RBFOX3: variants seen among roughly 807,000 people sequenced by gnomAD.
The protein encoded by RBFOX3 is RNA binding protein fox-1 homolog 3.
In RBFOX3, 17 loss-of-function variants were observed where a neutral mutation model predicts 48.7. The ratio of observed to expected loss-of-function variants is 0.35; its 90% CI spans 0.24 to 0.52. The LOEUF (loss-of-function observed/expected upper bound fraction) is 0.52, where lower values mean the gene tolerates loss of function less well. Among genes scored for constraint, RBFOX3 ranks in the 20% least tolerant of loss-of-function variants. The probability of loss-of-function intolerance (pLI) is 0.94; values close to 1 mark genes in which losing one functional copy is unlikely to be tolerated. For missense variants in RBFOX3, 382 were observed against 497.5 expected (o/e 0.77, Z 2.21); for synonymous variants, 212 against 209.5 (o/e 1.01, Z -0.10).
chr17:79,294,211 C>T (rs546313033), intron 3 of RBFOX3, among the ~76,000 whole-genome samples: 45 of 152,232 alleles, frequency 3.0e-4, no homozygotes, highest in Non-Finnish European at 5.7e-4. Context: ...GATCCCTCAG[C>T]AGAATCCTGG....
At chr17:79,375,356 A>AAGACACACAC (rs1294273125) in intron 2 of RBFOX3, among the ~76,000 whole-genome samples, 11 of 73,114 alleles carry the variant, frequency 1.5e-4, no homozygotes, top group Non-Finnish European at 1.4e-4. Context: ...AGGAAGACAG[A>AAGACACACAC]AGACACACAC....
At chr17:79,517,672 T>C (rs1454220529) in intron 1 of RBFOX3, among the ~76,000 whole-genome samples, 1 of 151,816 alleles carries the variant, frequency 6.6e-6, no homozygotes, top group Non-Finnish European at 1.5e-5. Context: ...AGCCCACCAC[T>C]GGCCTCTCAC....
intron 3 of RBFOX3, among the ~76,000 whole-genome samples, chr17:79,259,763 T>C (rs1177405948): frequency 1.3e-5 from 2 of 151,964 alleles, no homozygotes. Context: ...GGTGTCTAGG[T>C]GCCCCCGCAT....
At chr17:79,324,214 G>T (rs913177160) in intron 2 of RBFOX3, among the ~76,000 whole-genome samples, 1 of 152,174 alleles carries the variant, frequency 6.6e-6, no homozygotes, top group African/African-American at 2.4e-5. Flanking sequence ...GCAAGCATCT[G>T]GGAAGGAACT....
At chr17:79,162,768 G>A (rs117979550) in intron 4 of RBFOX3, among the ~76,000 whole-genome samples, 2,492 of 152,270 alleles carry the variant, frequency 0.016, 27 homozygotes, top group Non-Finnish European at 0.027. Flanking sequence ...GGGGTCTCCC[G>A]CGGCAGGTGA....
At chr17:79,571,410 C>T (rs2092673433) in intron 1 of RBFOX3, among the ~76,000 whole-genome samples, 1 of 152,150 alleles carries the variant, frequency 6.6e-6, no homozygotes, top group South Asian at 2.1e-4. Flanking sequence ...CTGCCTATGC[C>T]TGCGGGTGCC....
chr17:79,501,657 C>G (rs2082405280), intron 1 of RBFOX3, among the ~76,000 whole-genome samples: 1 of 152,184 alleles, frequency 6.6e-6, no homozygotes, highest in South Asian at 2.1e-4. Flanking sequence ...CATAATGTGC[C>G]CTTCTCCTTA....
At chr17:79,156,391 C>T (rs1174812324) in intron 4 of RBFOX3, among the ~76,000 whole-genome samples, 1 of 152,114 alleles carries the variant, frequency 6.6e-6, no homozygotes, top group South Asian at 2.1e-4. Flanking sequence ...GGGAGGGTCC[C>T]CATTCCCAGG....
intron 2 of RBFOX3, among the ~76,000 whole-genome samples, chr17:79,335,620 A>C (rs954761707): frequency 6.6e-6 from 1 of 152,132 alleles, no homozygotes; most frequent in Non-Finnish European, 1.5e-5. Flanking sequence ...CAGAACCCCC[A>C]GCCTCCGCCA....
At chr17:79,330,020 A>C (rs1426623144) in intron 2 of RBFOX3, among the ~76,000 whole-genome samples, 1 of 152,176 alleles carries the variant, frequency 6.6e-6, no homozygotes, top group Non-Finnish European at 1.5e-5. Context: ...CCAGGCCTGC[A>C]TCTCTCAGCT....
At chr17:79,129,887 G>T (rs922238733) in intron 4 of RBFOX3, among the ~76,000 whole-genome samples, 1 of 152,190 alleles carries the variant, frequency 6.6e-6, no homozygotes. Flanking sequence ...GGGCGGACCT[G>T]CCCCAGTCGG....
intron 5 of RBFOX3, among the ~76,000 whole-genome samples, chr17:79,113,379 G>A (rs1410815948): frequency 3.9e-5 from 6 of 152,140 alleles, no homozygotes; most frequent in East Asian, 1.9e-4. Context: ...CGCCGATGCC[G>A]TAACTTCTGC....
At chr17:79,121,632 G>C (rs987671577) in intron 4 of RBFOX3, among the ~76,000 whole-genome samples, 1 of 152,138 alleles carries the variant, frequency 6.6e-6, no homozygotes, top group Non-Finnish European at 1.5e-5. Context: ...AGCAGCATTA[G>C]CCATAGTTGG....
chr17:79,372,696 G>C (rs1247372470), intron 2 of RBFOX3, among the ~76,000 whole-genome samples: 2 of 152,094 alleles, frequency 1.3e-5, no homozygotes, highest in African/African-American at 4.8e-5. Context: ...GGACAGACGT[G>C]TGAGACACAC....
intron 2 of RBFOX3, among the ~76,000 whole-genome samples, chr17:79,474,904 T>C (rs367971865): frequency 0.013 from 1,988 of 152,122 alleles, 43 homozygotes; most frequent in African/African-American, 0.046. Flanking sequence ...CTCCTACCTT[T>C]CCTTCCAATT....
Position 79,542,971 on chromosome 17 carries a change from C to A in RBFOX3, c.-319-60373G>T, listed in dbSNP as rs183618094. ...TGGCGTACACTTTTCACTCTACACACGTCAACTGCCCAGCTCTCTCCCGTG... is the reference window on the plus strand; with the variant it reads ...TGGCGTACACTTTTCACTCTACACAAGTCAACTGCCCAGCTCTCTCCCGTG... On this transcript the variant is annotated intron_variant, in intron 1 of 14. Transcript: ENST00000693108. Among the ~76,000 whole-genome samples, 20 of 152,258 alleles carry A rather than the reference C, an allele frequency of 1.3e-4. No homozygotes were observed. The East Asian group carries it at 3.5e-3, about 26-fold the overall frequency.
At chr17:79,640,880 T>C in the RBFOX3 span, among the ~76,000 whole-genome samples, 1 of 152,142 alleles carries the variant, frequency 6.6e-6, no homozygotes, top group African/African-American at 2.4e-5. Context: ...AAAAAACTTC[T>C]TAACATTGGT....
chr17:79,420,174 C>CACACAA (rs1555721368), intron 2 of RBFOX3, among the ~76,000 whole-genome samples: 1 of 79,686 alleles, frequency 1.3e-5, no homozygotes, highest in Non-Finnish European at 2.7e-5. Context: ...CACACACACA[C>CACACAA]AAAAGATGGT....
intron 1 of RBFOX3, among the ~76,000 whole-genome samples, chr17:79,610,577 C>T (rs2093950451): frequency 6.6e-6 from 1 of 152,154 alleles, no homozygotes; most frequent in Non-Finnish European, 1.5e-5. Context: ...CTCTGGCCCA[C>T]GGCCGGACAG....
Sources: allele counts gnomAD v4.1 joint callset (sites outside exome capture counted in the v4.1 genomes callset), GRCh38; gene constraint gnomAD v4.1.1; transcripts MANE v1.5; gene names NCBI Gene and HGNC (gene_info 2026-07-23, HGNC 2026-07-21).